PLEKHG1: variants seen among roughly 807,000 people sequenced by gnomAD.
PLEKHG1 encodes the protein pleckstrin homology and RhoGEF domain containing G1, also known as pleckstrin homology domain-containing family G member 1.
Under a neutral mutation model 100.8 loss-of-function variants are expected in PLEKHG1, and 44 were observed. The ratio of observed to expected loss-of-function variants is 0.44; its 90% CI spans 0.34 to 0.56. PLEKHG1 has a LOEUF of 0.56. Among genes scored for constraint, PLEKHG1 ranks in the 20% least tolerant of loss-of-function variants. The probability of loss-of-function intolerance (pLI) is 0.01; values close to 1 mark genes in which losing one functional copy is unlikely to be tolerated. For synonymous variants in PLEKHG1, 640 were observed against 662.5 expected (o/e 0.97, Z 0.52); for missense variants, 1,545 against 1,720.9 (o/e 0.90, Z 1.81).
At chr6:150,698,106 A>C (rs1780620154) in intron 3 of PLEKHG1, among the ~76,000 whole-genome samples, 1 of 152,244 alleles carries the variant, frequency 6.6e-6, no homozygotes, top group Admixed American at 6.5e-5. Context: ...TTTGCTTTAC[A>C]TAATGAGATA....
At chr6:150,737,069 C>T (rs1782597485) in intron 2 of PLEKHG1, among the ~76,000 whole-genome samples, 1 of 152,110 alleles carries the variant, frequency 6.6e-6, no homozygotes, top group South Asian at 2.1e-4. Context: ...TTTACCCTGT[C>T]CTCCTAGAAA....
chr6:150,694,998 A>G (rs2128595436), intron 3 of PLEKHG1, among the ~76,000 whole-genome samples: 1 of 152,338 alleles, frequency 6.6e-6, no homozygotes, highest in South Asian at 2.1e-4. Flanking sequence ...TCCTACATTG[A>G]CATTTTAATA....
At chr6:150,788,961 T>C (rs572053689) in intron 4 of PLEKHG1, among the ~76,000 whole-genome samples, 6 of 152,182 alleles carry the variant, frequency 3.9e-5, no homozygotes, top group Non-Finnish European at 7.3e-5. Flanking sequence ...GGATATTGGA[T>C]AGTCATATGA....
In PLEKHG1 at chr6:150,727,572, C is replaced by G. The variant is rs141555199; in HGVS notation, c.-98-6012C>G. Among the ~76,000 whole-genome samples the G allele has an allele frequency of 1.3e-3, 193 of 151,600 alleles. 1 individual carries two copies. The highest frequency in any genetic ancestry group is 4.4e-3 in the African/African-American group (181 of 41,242). ...GAAAGTCTAGCTACATAGAAGCTGT[C>G]TAGGCATCTTTTCCTTTTATTAAGG... On this transcript the variant is annotated intron_variant, in intron 1 of 15. Transcript: ENST00000358517.
intron 1 of PLEKHG1, among the ~76,000 whole-genome samples, chr6:150,603,037 G>C (rs1323050713): frequency 1.6e-5 from 2 of 123,356 alleles, no homozygotes; most frequent in Non-Finnish European, 1.6e-5. Context: ...AGCCGAGATC[G>C]CGCCACTGCA....
At chr6:150,632,874 G>C (rs905394793) in intron 1 of PLEKHG1, 4 of 152,188 alleles carry the variant, frequency 2.6e-5, no homozygotes, top group Non-Finnish European at 5.9e-5. Context: ...CGAGCTTGAG[G>C]ATCAAAGACT....
intron 3 of PLEKHG1, among the ~76,000 whole-genome samples, chr6:150,698,124 G>A (rs1485438423): frequency 6.6e-6 from 1 of 152,182 alleles, no homozygotes; most frequent in Admixed American, 6.5e-5. Context: ...ATATTTGGGG[G>A]ATGGGACCCA....
At chr6:150,699,873 C>T (rs140520547) in intron 3 of PLEKHG1, among the ~76,000 whole-genome samples, 10 of 152,278 alleles carry the variant, frequency 6.6e-5, no homozygotes, top group African/African-American at 2.4e-4. Flanking sequence ...TCTGATCGTC[C>T]TTCCCTTCTG....
intron 3 of PLEKHG1, among the ~76,000 whole-genome samples, chr6:150,673,264 G>T (rs1264387118): frequency 1.3e-5 from 2 of 152,108 alleles, no homozygotes; most frequent in African/African-American, 4.8e-5. Context: ...TCTAATAAAA[G>T]ATTTTTCTGT....
chr6:150,833,861 A>AT (rs1160245883), intron 15 of PLEKHG1, among the ~76,000 whole-genome samples: 2 of 152,210 alleles, frequency 1.3e-5, no homozygotes, highest in Non-Finnish European at 2.9e-5. Context: ...CATTAGCTTC[A>AT]TTATCAGCAC....
intron 4 of PLEKHG1, among the ~76,000 whole-genome samples, chr6:150,790,364 T>C (rs1476551313): frequency 6.6e-6 from 1 of 152,202 alleles, no homozygotes; most frequent in African/African-American, 2.4e-5. Flanking sequence ...TTTTAAAAGT[T>C]GACAACTAAT....
intron 3 of PLEKHG1, among the ~76,000 whole-genome samples, chr6:150,709,297 T>G (rs1292068336): frequency 6.6e-6 from 1 of 152,104 alleles, no homozygotes; most frequent in Non-Finnish European, 1.5e-5. Flanking sequence ...ATTGCGCCAC[T>G]GCACTCCAGC....
chr6:150,835,376 C>T (rs577986476), intron 15 of PLEKHG1, among the ~76,000 whole-genome samples: 20 of 152,174 alleles, frequency 1.3e-4, no homozygotes, highest in Admixed American at 3.3e-4. Flanking sequence ...CAATTTTATG[C>T]TTTTGTCTGC....
At chr6:150,645,918 C>T (rs1217375780) in intron 2 of PLEKHG1, among the ~76,000 whole-genome samples, 2 of 152,168 alleles carry the variant, frequency 1.3e-5, no homozygotes, top group Non-Finnish European at 2.9e-5. Flanking sequence ...CACATGAATA[C>T]AGAAGAAATG....
At chr6:150,669,657 C>T (rs1177879849) in intron 3 of PLEKHG1, among the ~76,000 whole-genome samples, 1 of 142,904 alleles carries the variant, frequency 7.0e-6, no homozygotes, top group East Asian at 2.1e-4. Context: ...AGTGCAGTTG[C>T]GCGATCATGC....
chr6:150,781,171 G>T (rs188274307), intron 3 of PLEKHG1, among the ~76,000 whole-genome samples: 1 of 148,238 alleles, frequency 6.7e-6, no homozygotes, highest in East Asian at 2.1e-4. Context: ...CACCGCGCCC[G>T]GCCAAGAACA....
At chr6:150,628,420 CACACAT>C (rs1562393194) in intron 1 of PLEKHG1, among the ~76,000 whole-genome samples, 1 of 151,988 alleles carries the variant, frequency 6.6e-6, no homozygotes, top group African/African-American at 2.4e-5. Context: ...GGCAGCATTC[CACACAT>C]AGGACTGCAG....
At chr6:150,746,679 T>C (rs1341379697) in intron 2 of PLEKHG1, among the ~76,000 whole-genome samples, 3 of 152,264 alleles carry the variant, frequency 2.0e-5, no homozygotes, top group Non-Finnish European at 4.4e-5. Flanking sequence ...GGTCAAATAT[T>C]CTTGCATAAA....
intron 3 of PLEKHG1, among the ~76,000 whole-genome samples, chr6:150,784,726 C>T (rs1424562008): frequency 6.6e-6 from 1 of 151,326 alleles, no homozygotes; most frequent in Non-Finnish European, 1.5e-5. Context: ...TTCTGGCATA[C>T]AATTTGCTAA....
Sources: allele counts gnomAD v4.1 joint callset (sites outside exome capture counted in the v4.1 genomes callset), GRCh38; gene constraint gnomAD v4.1.1; transcripts MANE v1.5; gene names NCBI Gene and HGNC (gene_info 2026-07-23, HGNC 2026-07-21).